The following TENM2 variants were observed in gnomAD, a reference collection of about 807,000 sequenced individuals.
The protein encoded by TENM2 is teneurin transmembrane protein 2.
Under a neutral mutation model 245.2 loss-of-function variants are expected in TENM2, and 52 were observed. That is an observed-to-expected ratio of 0.21 (90% confidence interval 0.17 to 0.27). TENM2 has a LOEUF of 0.27. Among genes scored for constraint, TENM2 ranks in the 10% least tolerant of loss-of-function variants. TENM2 has a pLI of 1.00. For synonymous variants in TENM2, 1,363 were observed against 1,438.9 expected, an observed-to-expected ratio of 0.95 and a Z score of 1.19; for missense variants, 3,046 against 3,666.8, an observed-to-expected ratio of 0.83 and a Z score of 4.37.
intron 2 of TENM2, among the ~76,000 whole-genome samples, chr5:167,672,678 G>A (rs760206757): frequency 1.3e-5 from 2 of 152,000 alleles, no homozygotes; most frequent in East Asian, 1.9e-4. Flanking sequence ...AATCAAACTG[G>A]GTGTTAACGC....
At chr5:167,606,979 C>A (rs1462434013) in intron 2 of TENM2, among the ~76,000 whole-genome samples, 6 of 152,172 alleles carry the variant, frequency 3.9e-5, no homozygotes, top group African/African-American at 1.2e-4. Context: ...TTTCTGGTAG[C>A]CTTGAATTGG....
At chr5:167,454,907 G>A (rs1421041565) in intron 2 of TENM2, among the ~76,000 whole-genome samples, 1 of 152,174 alleles carries the variant, frequency 6.6e-6, no homozygotes, top group Admixed American at 6.5e-5. Flanking sequence ...AAATGATGTT[G>A]ACTAAACCAG....
At chr5:167,478,990 A>ATATG (rs1554163338) in intron 2 of TENM2, among the ~76,000 whole-genome samples, 3,104 of 151,354 alleles carry the variant, frequency 0.021, 118 homozygotes, top group African/African-American at 0.071. Flanking sequence ...CTTTATATAT[A>ATATG]TGTGTGTGTG....
At chr5:167,207,892 T>C in the TENM2 span, among the ~76,000 whole-genome samples, 2 of 152,180 alleles carry the variant, frequency 1.3e-5, no homozygotes, top group African/African-American at 4.8e-5. Context: ...TAGCTGAGAT[T>C]ATAGGCACGC....
intron 2 of TENM2, among the ~76,000 whole-genome samples, chr5:167,585,225 A>G (rs1775404348): frequency 6.6e-6 from 1 of 152,150 alleles, no homozygotes; most frequent in South Asian, 2.1e-4. Flanking sequence ...TCGTTATTTT[A>G]GTTGGAGGAA....
chr5:167,215,880 A>C, the TENM2 span, among the ~76,000 whole-genome samples: 1 of 152,134 alleles, frequency 6.6e-6, no homozygotes, highest in Non-Finnish European at 1.5e-5. Flanking sequence ...CAGTTGATTG[A>C]TCTTTTTTTT....
chr5:168,162,889 C>T, intron 13 of TENM2, 132 bp downstream of exon 15: 2 of 1,127,320 alleles, frequency 1.8e-6, no homozygotes, highest in Admixed American at 2.2e-5. Flanking sequence ...TTCTTTGAAG[C>T]AAATGCAGCA....
chr5:167,695,296 A>G (rs1757688274), intron 2 of TENM2, among the ~76,000 whole-genome samples: 2 of 152,234 alleles, frequency 1.3e-5, no homozygotes, highest in Admixed American at 6.5e-5. Flanking sequence ...CAGCCATTTT[A>G]GCACTAAAGC....
the TENM2 span, among the ~76,000 whole-genome samples, chr5:167,162,370 G>C: frequency 1.3e-5 from 2 of 152,146 alleles, no homozygotes; most frequent in African/African-American, 4.8e-5. Context: ...GCTCAGGCCT[G>C]TAATCCTGGC....
At chr5:167,891,565 C>A (rs779468608) in intron 3 of TENM2, among the ~76,000 whole-genome samples, 2 of 152,144 alleles carry the variant, frequency 1.3e-5, no homozygotes, top group Non-Finnish European at 2.9e-5. Context: ...TGCTGACCCA[C>A]TAAGATCAGT....
chr5:167,637,931 T>A (rs530127788), intron 2 of TENM2, among the ~76,000 whole-genome samples: 2 of 150,880 alleles, frequency 1.3e-5, no homozygotes, highest in South Asian at 4.2e-4. Flanking sequence ...TATACCTACA[T>A]AACAAACCTG....
At chr5:167,261,791 CCTTA>C in the TENM2 span, among the ~76,000 whole-genome samples, 1 of 152,134 alleles carries the variant, frequency 6.6e-6, no homozygotes, top group African/African-American at 2.4e-5. Flanking sequence ...CTGAATATAT[CCTTA>C]CTTTTTATTA....
chr5:167,772,877 T>TTCC (rs1396600907), intron 2 of TENM2, among the ~76,000 whole-genome samples: 1 of 152,234 alleles, frequency 6.6e-6, no homozygotes, highest in African/African-American at 2.4e-5. Context: ...CTAAATATGA[T>TTCC]TTAATTCTTT....
In TENM2 at chr5:167,935,014, C is replaced by T. The variant is rs1013679450; in HGVS notation, c.713-17574C>T. The T allele has an allele frequency of 7.9e-5, 53 of 667,934 alleles. 1 individual carries two copies. In the African/African-American group the frequency reaches 1.0e-3, roughly 13 times the overall value. 41.4% of individuals were successfully genotyped at this position (667,934 alleles called of 1,614,324 possible). On this transcript the variant is annotated intron_variant, in intron 3 of 28. Transcript: ENST00000518659. ...CAGTAGGTGTCATTTTAGTTGTGCCCTCATGAGTGCGAGCGGGAAAGGTCA... is the reference window on the plus strand; with the variant it reads ...CAGTAGGTGTCATTTTAGTTGTGCCTTCATGAGTGCGAGCGGGAAAGGTCA...
intron 20 of TENM2, among the ~76,000 whole-genome samples, chr5:168,212,708 C>A (rs901894149): frequency 6.6e-6 from 1 of 152,158 alleles, no homozygotes; most frequent in Non-Finnish European, 1.5e-5. Context: ...TATAGGCACC[C>A]CATTTGAGCC....
the TENM2 span, among the ~76,000 whole-genome samples, chr5:167,187,772 C>G: frequency 6.6e-6 from 1 of 152,228 alleles, no homozygotes; most frequent in East Asian, 1.9e-4. Context: ...TCCGGGGAGC[C>G]TGGTTGTTTT....
chr5:167,138,302 A>G, the TENM2 span, among the ~76,000 whole-genome samples: 1 of 152,216 alleles, frequency 6.6e-6, no homozygotes, highest in East Asian at 1.9e-4. Flanking sequence ...TAATAAGAAG[A>G]TCATGAATAT....
chr5:167,350,044 G>A (rs1321849980), intron 1 of TENM2, among the ~76,000 whole-genome samples: 1 of 152,000 alleles, frequency 6.6e-6, no homozygotes, highest in Non-Finnish European at 1.5e-5. Context: ...TATCAATATG[G>A]ACTCATACAG....
intron 2 of TENM2, among the ~76,000 whole-genome samples, chr5:167,854,502 G>T (rs1021997400): frequency 1.3e-5 from 2 of 152,128 alleles, no homozygotes; most frequent in Non-Finnish European, 2.9e-5. Context: ...CAGCTAAAAG[G>T]AGCTGCCTAC....
Sources: allele counts gnomAD v4.1 joint callset (sites outside exome capture counted in the v4.1 genomes callset), GRCh38; gene constraint gnomAD v4.1.1; transcripts MANE v1.5; gene names NCBI Gene and HGNC (gene_info 2026-07-23, HGNC 2026-07-21).